USH2A: variants seen among roughly 807,000 people sequenced by gnomAD.
The protein encoded by USH2A is usherin.
In USH2A, 443 loss-of-function variants were observed where a neutral mutation model predicts 538.9. The observed-to-expected ratio is 0.82, with a 90% CI of 0.76 to 0.89. USH2A has a LOEUF of 0.89. Ranked by LOEUF, USH2A falls within the 40% of genes least tolerant of loss-of-function variation. The pLI is 0.00. For missense variants in USH2A, 6,633 were observed against 6,324.8 expected (o/e 1.05, Z -1.65); for synonymous variants, 2,413 against 2,273.5 (o/e 1.06, Z -1.75).
chr1:216,060,904 T>C (rs1319205150), intron 30 of USH2A, among the ~76,000 whole-genome samples: 1 of 152,208 alleles, frequency 6.6e-6, no homozygotes, highest in Non-Finnish European at 1.5e-5. Context: ...GCTGCAGCTT[T>C]GCATGTTAAC....
intron 3 of USH2A, among the ~76,000 whole-genome samples, chr1:216,386,278 A>G (rs2039002604): frequency 6.6e-6 from 1 of 151,954 alleles, no homozygotes; most frequent in African/African-American, 2.4e-5. Context: ...CAGGCGGATC[A>G]CAAGGTCAGG....
intron 14 of USH2A, among the ~76,000 whole-genome samples, chr1:216,227,772 T>C (rs2035590643): frequency 6.6e-6 from 1 of 152,172 alleles, no homozygotes; most frequent in African/African-American, 2.4e-5. Flanking sequence ...GAGCATGGAA[T>C]TAAAACTGAG....
chr1:216,131,065 T>C (rs549420864), intron 21 of USH2A, among the ~76,000 whole-genome samples: 69 of 152,172 alleles, frequency 4.5e-4, no homozygotes, highest in African/African-American at 1.6e-3. Context: ...ATTAGCGATG[T>C]TGAGCATGTT....
intron 21 of USH2A, among the ~76,000 whole-genome samples, chr1:216,120,872 A>G (rs1275028651): frequency 1.3e-5 from 2 of 152,102 alleles, no homozygotes; most frequent in Non-Finnish European, 2.9e-5. Context: ...GCCAAAAAAA[A>G]GTAAGAATGA....
intron 44 of USH2A, among the ~76,000 whole-genome samples, chr1:215,864,566 G>A (rs11120678): frequency 0.037 from 5,692 of 152,162 alleles, 384 homozygotes; most frequent in African/African-American, 0.13. Context: ...CCAGAAATGT[G>A]GGTATTGTTT....
At chr1:215,630,721 C>A (rs985347411) in intron 70 of USH2A, among the ~76,000 whole-genome samples, 2 of 151,174 alleles carry the variant, frequency 1.3e-5, no homozygotes, top group Non-Finnish European at 2.9e-5. Flanking sequence ...GGCATGGTGG[C>A]GGGCGCCTGT....
intron 50 of USH2A, among the ~76,000 whole-genome samples, chr1:215,798,096 C>T (rs1334517467): frequency 1.3e-5 from 2 of 152,078 alleles, no homozygotes; most frequent in Admixed American, 1.3e-4. Context: ...ACTGCAGATG[C>T]AGTGGAAATA....
In USH2A at chr1:216,038,259, C is replaced by G. The variant is rs140959908; in HGVS notation, c.6325+8172G>C. 2.8e-4 allele frequency among the ~76,000 whole-genome samples: 43 copies of G among 152,070 alleles called. No homozygotes were observed. In the East Asian group the frequency reaches 7.0e-3, roughly 25 times the overall value. Reference sequence around the variant, plus strand: ...GTAAAACATCAATGATTTCACTATTCTTCTATGCAAGCTTCACCAGAAATT... The same window carrying G: ...GTAAAACATCAATGATTTCACTATTGTTCTATGCAAGCTTCACCAGAAATT... On this transcript the variant is annotated intron_variant, in intron 32 of 71. Transcript: ENST00000307340.
At chr1:216,165,829 G>A (rs1375666643) in intron 21 of USH2A, among the ~76,000 whole-genome samples, 1 of 149,274 alleles carries the variant, frequency 6.7e-6, no homozygotes, top group Admixed American at 6.6e-5. Context: ...TTTTCAACAG[G>A]TGTTTTTGGG....
At chr1:215,952,208 AC>A (rs980997624) in intron 37 of USH2A, among the ~76,000 whole-genome samples, 3 of 152,008 alleles carry the variant, frequency 2.0e-5, no homozygotes, top group Non-Finnish European at 4.4e-5. Flanking sequence ...GCAACCCCTG[AC>A]TTTTTTAGTT....
At chr1:216,078,827 G>C (rs1486964890) in intron 26 of USH2A, among the ~76,000 whole-genome samples, 1 of 152,046 alleles carries the variant, frequency 6.6e-6, no homozygotes, top group East Asian at 1.9e-4. Context: ...GCTTGATTAA[G>C]CTTATTTTAA....
rs879931965 is a variant in USH2A at position 216,355,383 on chromosome 1, G to GAAAGAAAGAAAGAAAC, written c.784+9569_784+9570insGTTTCTTTCTTTCTTT. Reference sequence around the variant, plus strand: ...AGAAAGAAAGAAAGAAAGAAGGAAAGAAACATATAGTATACAAGAAAACAT... The same window carrying GAAAGAAAGAAAGAAAC: ...AGAAAGAAAGAAAGAAAGAAGGAAAGAAAGAAAGAAAGAAACAAACATATAGTATACAAGAAAACAT... On this transcript the variant is annotated intron_variant, in intron 4 of 71. Coordinates refer to ENST00000307340, the MANE Select transcript of USH2A (RefSeq NM_206933.4). Among the ~76,000 whole-genome samples the GAAAGAAAGAAAGAAAC allele has an allele frequency of 1.7e-3, 259 of 148,538 alleles. 3 individuals carry two copies. Among genetic ancestry groups the GAAAGAAAGAAAGAAAC allele is most frequent in the Non-Finnish European group, 2.2e-3 (148 of 66,874 alleles).
chr1:216,009,876 A>C, intron 32 of USH2A, among the ~76,000 whole-genome samples: 1 of 152,164 alleles, frequency 6.6e-6, no homozygotes, highest in Admixed American at 6.5e-5. Flanking sequence ...AGTCAAGGTT[A>C]ATGCTCCTTT....
At chr1:215,825,253 A>G (rs931463923) in intron 47 of USH2A, among the ~76,000 whole-genome samples, 5 of 152,092 alleles carry the variant, frequency 3.3e-5, no homozygotes, top group Non-Finnish European at 7.4e-5. Flanking sequence ...GGATCTTGCT[A>G]TGTTGCTCAG....
intron 32 of USH2A, among the ~76,000 whole-genome samples, chr1:216,003,999 T>G (rs950860279): frequency 6.6e-6 from 1 of 152,114 alleles, no homozygotes; most frequent in Non-Finnish European, 1.5e-5. Context: ...TCCCAGTGCA[T>G]TGTAGGTAGA....
At position 215,993,584 on chromosome 1, in the gene USH2A, C is replaced by T. The variant is rs555834979; in HGVS notation, c.6658-417G>A. Reference sequence around the variant, plus strand: ...TAAGTAAAGTACTAGAGGATGAAGACTACTTTAAGACAAAACAACTGACTT... The same window carrying T: ...TAAGTAAAGTACTAGAGGATGAAGATTACTTTAAGACAAAACAACTGACTT... On this transcript the variant is annotated intron_variant, in intron 34 of 71. Transcript: ENST00000307340. 1.1e-3 allele frequency among the ~76,000 whole-genome samples: 174 copies of T among 151,702 alleles called. 2 individuals are homozygous for T. The highest frequency in any genetic ancestry group is 4.1e-3 in the African/African-American group (169 of 41,260).
intron 26 of USH2A, 151 bp from the exon 27 acceptor site, chr1:216,078,513 C>A: frequency 1.4e-6 from 1 of 731,200 alleles, no homozygotes; most frequent in Non-Finnish European, 2.3e-6. Flanking sequence ...TAAGTTTCTG[C>A]TTAGGAACAT....
Position 215,674,934 on chromosome 1 carries a change from A to T in USH2A, c.12977T>A (p.Phe4326Tyr), listed in dbSNP as rs1241569600. 2 of 1,614,070 alleles carry T rather than the reference A, an allele frequency of 1.2e-6. No individual in the cohort carries two copies. Among genetic ancestry groups the T allele is most frequent in the Non-Finnish European group, 1.7e-6 (2 of 1,180,032 alleles). ...FNYTDEELLP[F>Y]STYSYALQAC... The stretch of plus-strand genomic sequence containing the variant: ...TTGGAGTGCATAGCTATAGGTGGAA[A>T]AAGGAAGAAGCTCTTCATCAGTGTA... The change falls in exon 63 of 72, where the codon TTT (phenylalanine) becomes TAT (tyrosine). Residue 4326 changes from phenylalanine to tyrosine, a missense_variant. Physicochemically the swap from Phe to Tyr is conservative, Grantham distance 22. Coordinates refer to ENST00000307340, the MANE Select transcript of USH2A (RefSeq NM_206933.4).
At chr1:215,976,360 G>A (rs781720113) in intron 35 of USH2A, among the ~76,000 whole-genome samples, 1 of 152,102 alleles carries the variant, frequency 6.6e-6, no homozygotes, top group Non-Finnish European at 1.5e-5. Flanking sequence ...GAGTAAGAGT[G>A]GTGAGAGTGG....
Sources: gnomAD v4.1 joint callset for allele counts (sites outside exome capture counted in the v4.1 genomes callset) on GRCh38, gnomAD v4.1.1 for gene constraint, MANE v1.5 for transcripts, NCBI Gene and HGNC (gene_info 2026-07-23, HGNC 2026-07-21) for gene names.